Variants in PAX3 observed in about 807,000 individuals in gnomAD.
The protein encoded by PAX3 is paired box protein Pax-3.
In PAX3, 14 loss-of-function variants were observed where a neutral mutation model predicts 51.6. The ratio of observed to expected loss-of-function variants is 0.27; its 90% CI spans 0.18 to 0.42. The LOEUF is 0.42. Ranked by LOEUF, PAX3 falls within the 10% of genes least tolerant of loss-of-function variation. The probability of loss-of-function intolerance (pLI) is 1.00; values close to 1 mark genes in which losing one functional copy is unlikely to be tolerated. For synonymous variants in PAX3, 280 were observed against 253.4 expected (o/e 1.11, Z -1.00); for missense variants, 540 against 642.8 (o/e 0.84, Z 1.73).
rs1691310293 is a variant in PAX3, at chr2:222,201,990, G to A, written c.1374C>T (p.Tyr458=). Residue 458 remains tyrosine, a synonymous_variant, in exon 8 of 9, where the codon TAC becomes TAT. Transcript: ENST00000392070. ...GGTAGCCTGTGACAGGGTCCATACT[G>A]TAGCCTGTGGTGCTATAGGTGGGTG... ...YCPPTYSTTG[Y]SMDPVTGYQY... is the part of the protein sequence containing the mutation. 1 of 1,614,112 alleles carries A rather than the reference G, an allele frequency of 6.2e-7. No individual in the cohort carries two copies. The highest frequency in any genetic ancestry group is 8.5e-7 in the Non-Finnish European group (1 of 1,179,998).
chr2:222,269,753 T>C (rs1011732108), intron 4 of PAX3, among the ~76,000 whole-genome samples: 1 of 152,052 alleles, frequency 6.6e-6, no homozygotes, highest in African/African-American at 2.4e-5. Context: ...TTCAACAATA[T>C]GCCGAGATAA....
chr2:222,238,919 G>A (rs546679318), intron 4 of PAX3, among the ~76,000 whole-genome samples: 106 of 152,242 alleles, frequency 7.0e-4, no homozygotes, highest in African/African-American at 8.2e-4. Context: ...GGTCTCCTGC[G>A]CTTGTGAGTT....
intron 4 of PAX3, among the ~76,000 whole-genome samples, chr2:222,234,480 G>A (rs751929707): frequency 1.2e-4 from 19 of 152,172 alleles, no homozygotes; most frequent in Non-Finnish European, 2.4e-4. Flanking sequence ...ATAAATGTAA[G>A]CTAAACTAAA....
chr2:222,282,004 T>C (rs969017189), intron 4 of PAX3, among the ~76,000 whole-genome samples: 9 of 152,238 alleles, frequency 5.9e-5, no homozygotes. Flanking sequence ...ATTCCGGGCC[T>C]GGCAGCAAGA....
At chr2:222,270,215 G>T (rs530766314) in intron 4 of PAX3, among the ~76,000 whole-genome samples, 1 of 152,162 alleles carries the variant, frequency 6.6e-6, no homozygotes, top group Non-Finnish European at 1.5e-5. Flanking sequence ...GATTAAAGAA[G>T]GATTTCAGTC....
At chr2:222,284,053 A>G (rs1261983957) in intron 4 of PAX3, among the ~76,000 whole-genome samples, 1 of 152,218 alleles carries the variant, frequency 6.6e-6, no homozygotes, top group Non-Finnish European at 1.5e-5. Context: ...ATTAAAATGT[A>G]TCCTTCAGCT....
chr2:222,295,130 C>T (rs1281418432), intron 3 of PAX3, among the ~76,000 whole-genome samples: 2 of 152,148 alleles, frequency 1.3e-5, no homozygotes, highest in African/African-American at 2.4e-5. Flanking sequence ...GTTGTGGAAG[C>T]CTCCACGGCT....
At position 222,295,537 on chromosome 2, in the gene PAX3, C is replaced by T; in HGVS notation, c.442G>A (p.Val148Met). The change falls in exon 3 of 9, where the codon GTG becomes ATG. Residue 148 changes from valine to methionine, a missense_variant. Transcript: ENST00000392070. ...TTAATGGGCCTAGTACCTGACGGCA[C>T]GGTGTTTCGATCACAGACCGCGTCC... ...LKDAVCDRNTVPSVSSISRIL... is the reference protein window; with the variant it reads ...LKDAVCDRNTMPSVSSISRIL... 6.2e-7 allele frequency: 1 copy of T among 1,614,222 alleles called. No homozygotes were observed. The highest frequency in any genetic ancestry group is 8.5e-7 in the Non-Finnish European group (1 of 1,180,042).
chr2:222,219,343 G>A (rs983158748), intron 7 of PAX3, among the ~76,000 whole-genome samples: 2 of 152,024 alleles, frequency 1.3e-5, no homozygotes, highest in Non-Finnish European at 2.9e-5. Context: ...CAAATTTAGT[G>A]GGCAGCTATC....
At chr2:222,262,501 T>C (rs997967621) in intron 4 of PAX3, 4 of 152,150 alleles carry the variant, frequency 2.6e-5, no homozygotes, top group Non-Finnish European at 5.9e-5. Flanking sequence ...ATTAATTGGG[T>C]ATGTAATATA....
intron 3 of PAX3, 37 bp downstream of exon 3, chr2:222,295,491 C>T (rs1278857041): frequency 1.2e-6 from 2 of 1,613,296 alleles, no homozygotes; most frequent in African/African-American, 2.7e-5. Context: ...TAGCGACTGA[C>T]TGTCGCGCCT....
At chr2:222,279,816 G>T (rs879528045) in intron 4 of PAX3, among the ~76,000 whole-genome samples, 2 of 152,052 alleles carry the variant, frequency 1.3e-5, no homozygotes, top group Non-Finnish European at 2.9e-5. Flanking sequence ...AGCCAACAAA[G>T]ATTCAGAAAA....
intron 1 of PAX3, 100 bp downstream of exon 1, chr2:222,298,431 T>G: frequency 2.0e-6 from 2 of 986,510 alleles, no homozygotes; most frequent in Non-Finnish European, 3.1e-6. Flanking sequence ...GGGAATGGGC[T>G]TCCTGGAAGC....
intron 7 of PAX3, among the ~76,000 whole-genome samples, chr2:222,205,404 A>G (rs1691467293): frequency 1.3e-5 from 2 of 152,246 alleles, no homozygotes; most frequent in Middle Eastern, 3.4e-3. Flanking sequence ...CAGCAGCCCA[A>G]TACTTGCAGG....
At chr2:222,291,927 C>T (rs1463153227) in intron 4 of PAX3, among the ~76,000 whole-genome samples, 2 of 151,550 alleles carry the variant, frequency 1.3e-5, no homozygotes, top group Admixed American at 6.6e-5. Flanking sequence ...GACACTGCAT[C>T]TTCCTTGACA....
In PAX3 at chr2:222,288,767, C is replaced by G. The variant is rs143043849; in HGVS notation, c.586+5400G>C. The stretch of plus-strand genomic sequence containing the variant: ...CACCCCATGAGTCTTCTCTACAAAC[C>G]TACAACATGTAACTGGTTTCAGTTC... On this transcript the variant is annotated intron_variant, in intron 4 of 8. Coordinates refer to ENST00000392070, the MANE Select transcript of PAX3 (RefSeq NM_181458.4). Among the ~76,000 whole-genome samples, 97 of 152,306 alleles carry G rather than the reference C, an allele frequency of 6.4e-4. 1 individual carries two copies. The South Asian group carries it at 0.011, about 17-fold the overall frequency.
intron 5 of PAX3, among the ~76,000 whole-genome samples, chr2:222,223,993 A>G (rs531240067): frequency 2.0e-5 from 3 of 152,318 alleles, no homozygotes; most frequent in South Asian, 4.1e-4. Flanking sequence ...CCAATTTTTA[A>G]AAACAAAAAT....
intron 4 of PAX3, among the ~76,000 whole-genome samples, chr2:222,283,966 C>G (rs1694738537): frequency 6.6e-6 from 1 of 152,224 alleles, no homozygotes. Context: ...TTCTTTTTCA[C>G]TCTCACACTG....
At chr2:222,295,470 T>A in intron 3 of PAX3, 58 bp downstream of exon 3, 1 of 1,599,868 alleles carries the variant, frequency 6.3e-7, no homozygotes, top group Non-Finnish European at 8.6e-7. Flanking sequence ...TGGGTCGACG[T>A]GCCGGGGTAA....
Sources: gnomAD v4.1 joint callset for allele counts (sites outside exome capture counted in the v4.1 genomes callset) on GRCh38, gnomAD v4.1.1 for gene constraint, MANE v1.5 for transcripts, NCBI Gene and HGNC (gene_info 2026-07-23, HGNC 2026-07-21) for gene names.